The following BMPR2 variants were observed in gnomAD, a reference collection of about 807,000 sequenced individuals.
The protein encoded by BMPR2 is bone morphogenetic protein receptor type 2, also known as bone morphogenetic protein receptor type-2.
In BMPR2, 29 loss-of-function variants were observed where a neutral mutation model predicts 100.8. The ratio of observed to expected loss-of-function variants is 0.29; its 90% CI spans 0.21 to 0.39. BMPR2 has a LOEUF of 0.39. Among genes scored for constraint, BMPR2 ranks in the 10% least tolerant of loss-of-function variants. BMPR2 has a pLI of 1.00. For synonymous variants in BMPR2, 382 were observed against 442.3 expected (o/e 0.86, Z 1.71); for missense variants, 1,011 against 1,274.5 (o/e 0.79, Z 3.15).
At chr2:202,559,277 G>A (rs1354814306) in intron 12 of BMPR2, among the ~76,000 whole-genome samples, 1 of 151,320 alleles carries the variant, frequency 6.6e-6, no homozygotes, top group Admixed American at 6.6e-5. Context: ...ACTCCAGCCT[G>A]GGCTACAGAG....
At chr2:202,479,317 G>T (rs1168157719) in intron 3 of BMPR2, among the ~76,000 whole-genome samples, 5 of 152,168 alleles carry the variant, frequency 3.3e-5, no homozygotes, top group Admixed American at 1.3e-4. Flanking sequence ...TGAGCTCAGC[G>T]ATAGATACTG....
intron 7 of BMPR2, among the ~76,000 whole-genome samples, chr2:202,526,532 A>G (rs1195124011): frequency 1.3e-5 from 2 of 152,242 alleles, no homozygotes; most frequent in African/African-American, 4.8e-5. Context: ...TGCCTGTGTC[A>G]GCAACTTGAT....
At chr2:202,542,533 C>T (rs573262031) in intron 10 of BMPR2, 86 bp downstream of exon 10, 58 of 1,483,684 alleles carry the variant, frequency 3.9e-5, no homozygotes, top group African/African-American at 3.7e-4. Context: ...CTGTTAATAA[C>T]GTTAATAGTT....
intron 10 of BMPR2, among the ~76,000 whole-genome samples, chr2:202,544,150 A>AT (rs1559070812): frequency 6.6e-6 from 1 of 152,138 alleles, no homozygotes; most frequent in African/African-American, 2.4e-5. Context: ...TCAAAAAAAA[A>AT]CAAAAAAAAA....
intron 1 of BMPR2, among the ~76,000 whole-genome samples, chr2:202,455,517 A>G (rs1218859458): frequency 6.6e-6 from 1 of 152,270 alleles, no homozygotes; most frequent in Non-Finnish European, 1.5e-5. Flanking sequence ...CTGTCATGAT[A>G]GCTATTGATA....
intron 3 of BMPR2, among the ~76,000 whole-genome samples, chr2:202,494,112 T>C (rs760597704): frequency 6.6e-6 from 1 of 152,240 alleles, no homozygotes; most frequent in Non-Finnish European, 1.5e-5. Context: ...TAAAAACATT[T>C]GTTCAAAACA....
At position 202,567,391 on chromosome 2, in the gene BMPR2, T is replaced by C. The variant is rs1359831701; in HGVS notation, c.*7445T>C. 1.3e-5 allele frequency: 2 copies of C among 152,674 alleles called. No individual in the cohort carries two copies. The highest frequency in any genetic ancestry group is 1.3e-4 in the Admixed American group (2 of 15,290). 9.5% of individuals were successfully genotyped at this position (152,674 alleles called of 1,614,324 possible). On this transcript the variant is annotated 3_prime_UTR_variant, in exon 13 of 13. Transcript: ENST00000374580. ...GTGTGTTTTGCTCTTACATTACAGA[T>C]AGACTATCATATATGACTTTATGAA...
intron 3 of BMPR2, among the ~76,000 whole-genome samples, chr2:202,510,815 G>T (rs969107132): frequency 4.6e-5 from 7 of 151,844 alleles, no homozygotes; most frequent in Non-Finnish European, 8.8e-5. Flanking sequence ...TGAGTAGCTG[G>T]GATTACAGGC....
intron 1 of BMPR2, among the ~76,000 whole-genome samples, chr2:202,411,590 A>T (rs1055948561): frequency 3.3e-5 from 5 of 152,182 alleles, no homozygotes; most frequent in Non-Finnish European, 4.4e-5. Context: ...GGTGCCTAGC[A>T]GGAGTGACTC....
chr2:202,454,228 C>G (rs1407254313), intron 1 of BMPR2, among the ~76,000 whole-genome samples: 1 of 152,058 alleles, frequency 6.6e-6, no homozygotes, highest in African/African-American at 2.4e-5. Context: ...CACCACCACA[C>G]CTGGCTAATT....
rs1410795415 is a variant in BMPR2 at position 202,560,376 on chromosome 2, A to T, written c.*430A>T. On this transcript the variant is annotated 3_prime_UTR_variant, in exon 13 of 13. Coordinates refer to ENST00000374580, the MANE Select transcript of BMPR2 (RefSeq NM_001204.7). ...TGGTATCCATGTTTTATTTCTGGGC[A>T]CAAGCTAGTTTTTATGTTGATACGT... The T allele has an allele frequency of 1.0e-5, 2 of 199,266 alleles. No homozygotes were observed. Among genetic ancestry groups the T allele is most frequent in the Non-Finnish European group, 2.1e-5 (2 of 95,950 alleles). 12.3% of individuals were successfully genotyped at this position (199,266 alleles called of 1,614,324 possible).
chr2:202,434,929 A>ATT (rs1468106130), intron 1 of BMPR2, among the ~76,000 whole-genome samples: 3 of 102,490 alleles, frequency 2.9e-5, no homozygotes, highest in African/African-American at 1.1e-4. Context: ...ATATATATAT[A>ATT]TATATATTTA....
At chr2:202,490,261 T>C (rs1692873445) in intron 3 of BMPR2, among the ~76,000 whole-genome samples, 1 of 152,158 alleles carries the variant, frequency 6.6e-6, no homozygotes, top group Admixed American at 6.6e-5. Context: ...ATTTTCATTA[T>C]AGGGAAGTGA....
intron 1 of BMPR2, among the ~76,000 whole-genome samples, chr2:202,400,576 T>A (rs982685895): frequency 3.3e-5 from 5 of 152,172 alleles, no homozygotes; most frequent in African/African-American, 1.2e-4. Context: ...GTCTTAGAGT[T>A]TAGTAGATGA....
rs371114044 is a variant in BMPR2, at chr2:202,555,662, A to G, written c.1997A>G (p.Asn666Ser). 6 of 1,613,998 alleles carry G rather than the reference A, an allele frequency of 3.7e-6. No individual in the cohort carries two copies. The African/African-American group carries it at 4.0e-5, about 11-fold the overall frequency. The change falls in exon 12 of 13, where the codon AAC becomes AGC. Residue 666 changes from asparagine to serine, a missense_variant. Physicochemically the swap from Asn to Ser is conservative, Grantham distance 46. This residue lies in a region of BMPR2 where 508 missense variants were observed against 552.0 expected (regional missense o/e 0.92). Transcript: ENST00000374580. ...LQLTEEDLETNKLDPKEVDKN... is the reference protein window; with the variant it reads ...LQLTEEDLETSKLDPKEVDKN... ...CTGACAGAAGAAGACTTGGAAACCA[A>G]CAAGCTAGACCCAAAAGAAGTTGAT...
At chr2:202,487,946 G>T (rs946015603) in intron 3 of BMPR2, among the ~76,000 whole-genome samples, 1 of 152,180 alleles carries the variant, frequency 6.6e-6, no homozygotes. Flanking sequence ...TTGACCTCAG[G>T]TGATTAGCAT....
Position 202,377,040 on chromosome 2 carries a change from C to T in BMPR2, c.-435C>T. On this transcript the variant is annotated 5_prime_UTR_variant, in exon 1 of 13. Coordinates refer to ENST00000374580, the MANE Select transcript of BMPR2 (RefSeq NM_001204.7). ...GCCGCCCGTCCGGCTTCGTCCTTCC[C>T]GGCAGTCGGGAACTAGTTCTGACCC... 2.1e-6 allele frequency: 1 copy of T among 466,936 alleles called. No individual in the cohort carries two copies. The highest frequency in any genetic ancestry group is 3.3e-5 in the East Asian group (1 of 30,404). The allele number at this position is 466,936 out of a possible 1,614,324, so 28.9% of individuals were successfully genotyped here.
chr2:202,475,689 C>G (rs1574468165), intron 3 of BMPR2, among the ~76,000 whole-genome samples: 1 of 152,082 alleles, frequency 6.6e-6, no homozygotes, highest in South Asian at 2.1e-4. Flanking sequence ...TAAAATTTTA[C>G]ATTACTTATT....
intron 3 of BMPR2, among the ~76,000 whole-genome samples, chr2:202,468,956 A>ATATTC (rs1692378190): frequency 6.6e-6 from 1 of 152,234 alleles, no homozygotes; most frequent in Non-Finnish European, 1.5e-5. Flanking sequence ...GGAATGAGAC[A>ATATTC]GAAAGAATAT....
Sources: gnomAD v4.1 joint callset for allele counts (sites outside exome capture counted in the v4.1 genomes callset) on GRCh38, gnomAD v4.1.1 for gene constraint, gnomAD v4.1.1 regional missense constraint, MANE v1.5 for transcripts, NCBI Gene and HGNC (gene_info 2026-07-23, HGNC 2026-07-21) for gene names.